The following ZNF839 variants were observed in gnomAD, a reference collection of about 807,000 sequenced individuals.
The protein encoded by ZNF839 is renal carcinoma antigen NY-REN-50.
A neutral mutation model predicts 56.4 loss-of-function variants in ZNF839; 38 were observed. The ratio of observed to expected loss-of-function variants is 0.67; its 90% CI spans 0.52 to 0.88. The LOEUF is 0.88. Ranked by LOEUF, ZNF839 falls within the 40% of genes least tolerant of loss-of-function variation. The pLI is 0.00. For synonymous variants in ZNF839, 486 were observed against 493.5 expected, an observed-to-expected ratio of 0.98 and a Z score of 0.20; for missense variants, 1,091 against 1,177.6, an observed-to-expected ratio of 0.93 and a Z score of 1.08.
rs1359899491 is a variant in ZNF839, at chr14:102,331,665, C to T, written c.1235C>T (p.Pro412Leu). 6.2e-7 allele frequency: 1 copy of T among 1,612,778 alleles called. No individual in the cohort carries two copies. The highest frequency in any genetic ancestry group is 1.7e-5 in the Admixed American group (1 of 59,810). ...GTTGAAGAGACATTGCCATCTGAAC[C>T]AGAAAATGGAGCTCTTTTGCGATCA... The part of the protein sequence containing the change: ...VDVEETLPSE[P>L]ENGALLRSER... The change falls in exon 3 of 8, where the codon CCA becomes CTA. Residue 412 changes from proline to leucine, a missense_variant. Physicochemically the swap from Pro to Leu is moderately conservative, Grantham distance 98 (BLOSUM62 -3). Transcript: ENST00000442396.
intron 1 of ZNF839, among the ~76,000 whole-genome samples, chr14:102,323,740 G>C (rs558332358): frequency 2.2e-4 from 34 of 152,260 alleles, no homozygotes; most frequent in African/African-American, 7.5e-4. Context: ...CTACGCCTAG[G>C]TACATGCCCC....
At chr14:102,317,682 C>A (rs1022266624), upstream of ZNF839, 5 of 152,202 alleles carry the variant, frequency 3.3e-5, no homozygotes, top group Non-Finnish European at 7.3e-5. Flanking sequence ...ACACAAACCC[C>A]AACCCGCTGG....
chr14:102,318,462 G>C (rs1211220187), upstream of ZNF839, among the ~76,000 whole-genome samples: 1 of 151,936 alleles, frequency 6.6e-6, no homozygotes, highest in South Asian at 2.1e-4. Context: ...ATGAAACCCC[G>C]TCTCTACTAA....
chr14:102,334,623 G>A lies in ZNF839; in HGVS notation c.1486G>A (p.Val496Met), dbSNP rs778851361. Residue 496 changes from valine (V) to methionine (M), a missense_variant, in exon 4 of 8, where the codon GTG becomes ATG. By Grantham distance (21) the Val-to-Met change is conservative. Transcript: ENST00000442396. ...GCCTCAGCTGGCTCAGGTTGTGACC[G>A]TGTATGAGTTTCTTCTGATGAAGGT... Reference protein sequence around the residue: ...ALPQLAQVVTVYEFLLMKVEK... With the variant: ...ALPQLAQVVTMYEFLLMKVEK... 2.8e-5 allele frequency: 45 copies of A among 1,612,104 alleles called. No homozygotes were observed. The highest frequency in any genetic ancestry group is 8.4e-5 in the Admixed American group (5 of 59,842).
At chr14:102,319,054 G>A (rs1381318405), upstream of ZNF839, among the ~76,000 whole-genome samples, 2 of 152,228 alleles carry the variant, frequency 1.3e-5, no homozygotes, top group African/African-American at 4.8e-5. This position sits in a 1 kb window ranked among gnomAD's most constrained non-coding sequence, Gnocchi z 4.5. Context: ...AAGGAGAGGC[G>A]ATCAGGCTGA....
At chr14:102,323,529 T>TA (rs1276757024) in intron 1 of ZNF839, among the ~76,000 whole-genome samples, 1 of 152,168 alleles carries the variant, frequency 6.6e-6, no homozygotes, top group East Asian at 1.9e-4. Flanking sequence ...TGTGGGGTGT[T>TA]ATTGAAGGTA....
At position 102,332,682 on chromosome 14, in the gene ZNF839, G is replaced by C. The variant is rs1482507570; in HGVS notation, c.1416+836G>C. Among the ~76,000 whole-genome samples the C allele has an allele frequency of 6.6e-6, 1 of 151,840 alleles. No homozygotes were observed. Among genetic ancestry groups the C allele is most frequent in the African/African-American group, 2.4e-5 (1 of 41,354 alleles). ...CCCAGCACTTTGGGAGGCCGAGGTGGGCGGATCACCTGAAGTCAGGAGTTC... is the reference window on the plus strand; with the variant it reads ...CCCAGCACTTTGGGAGGCCGAGGTGCGCGGATCACCTGAAGTCAGGAGTTC... On this transcript the variant is annotated intron_variant, in intron 3 of 7. Coordinates refer to ENST00000442396, the MANE Select transcript of ZNF839 (RefSeq NM_018335.6). The surrounding 1 kb of genome is among the most constrained non-coding windows in gnomAD (Gnocchi z 4.9).
chr14:102,320,877 T>G (rs1597705038), intron 1 of ZNF839, among the ~76,000 whole-genome samples: 2 of 152,216 alleles, frequency 1.3e-5, no homozygotes, highest in African/African-American at 4.8e-5. Context: ...ACACGGCATC[T>G]GTAAAATTCC....
chr14:102,327,590 G>A (rs1425799230), intron 2 of ZNF839, among the ~76,000 whole-genome samples: 1 of 152,182 alleles, frequency 6.6e-6, no homozygotes, highest in African/African-American at 2.4e-5. Flanking sequence ...ATGAGATTTG[G>A]TGGGGACACA....
chr14:102,331,481 C>G, intron 2 of ZNF839, 141 bp from the exon 3 acceptor site: 1 of 684,006 alleles, frequency 1.5e-6, no homozygotes, highest in South Asian at 1.9e-5. Flanking sequence ...AACTCCTAAC[C>G]TCAAATGATC....
At chr14:102,339,958 C>T (rs550175688) in intron 7 of ZNF839, among the ~76,000 whole-genome samples, 2 of 152,022 alleles carry the variant, frequency 1.3e-5, no homozygotes, top group South Asian at 4.2e-4. Context: ...CAACTAGGCA[C>T]TTAAAAAATT....
rs771734418 is a variant in ZNF839, at chr14:102,335,660, C to CA, written c.1510-29_1510-28insA. ...TCCATATCAGTGCCTTGAGTTTAAA[C>CA]TTTTTTTTTGGTCTTTATCTTCACG... is the stretch of plus-strand genomic sequence containing the variant. On this transcript the variant is annotated intron_variant, in intron 4 of 7. Coordinates refer to ENST00000442396, the MANE Select transcript of ZNF839 (RefSeq NM_018335.6). 56 of 1,544,632 alleles carry CA rather than the reference C, an allele frequency of 3.6e-5. 3 individuals are homozygous for CA. In the Middle Eastern group the frequency reaches 3.6e-3, roughly 99 times the overall value.
chr14:102,328,946 A>G (rs145606129), intron 2 of ZNF839, among the ~76,000 whole-genome samples: 2 of 150,710 alleles, frequency 1.3e-5, no homozygotes, highest in African/African-American at 2.4e-5. Context: ...CAGATGTTCA[A>G]TTACATCTTT....
chr14:102,341,856 C>T lies in ZNF839; in HGVS notation c.2461C>T (p.Pro821Ser). 1 of 1,614,056 alleles carries T rather than the reference C, an allele frequency of 6.2e-7. No individual in the cohort carries two copies. The highest frequency in any genetic ancestry group is 8.5e-7 in the Non-Finnish European group (1 of 1,179,904). The change falls in exon 8 of 8, where the codon CCA (proline) becomes TCA (serine). Residue 821 changes from proline (P) to serine (S), a missense_variant. By Grantham distance (74) the Pro-to-Ser change is moderately conservative. Transcript: ENST00000442396. ...VDCAYRTVPK[P>S]GPQPGPHGSL... Reference sequence around the variant, plus strand: ...CTGTGCCTACAGGACTGTGCCCAAGCCAGGGCCTCAGCCTGGCCCACATGG... The same window carrying T: ...CTGTGCCTACAGGACTGTGCCCAAGTCAGGGCCTCAGCCTGGCCCACATGG...
chr14:102,321,359 C>T (rs2073118164), intron 1 of ZNF839, among the ~76,000 whole-genome samples: 1 of 152,242 alleles, frequency 6.6e-6, no homozygotes, highest in Admixed American at 6.5e-5. Context: ...TGTGGCTGCT[C>T]TCCCTAGCCC....
At chr14:102,338,539 GAAAAAAAA>G (rs954011615) in intron 5 of ZNF839, among the ~76,000 whole-genome samples, 49 of 32,098 alleles carry the variant, frequency 1.5e-3, no homozygotes, top group African/African-American at 4.1e-3. Context: ...CTCTGTCTCA[GAAAAAAAA>G]AAAAAAAAAA....
intron 1 of ZNF839, among the ~76,000 whole-genome samples, chr14:102,322,389 G>A (rs1489043537): frequency 6.6e-6 from 1 of 152,188 alleles, no homozygotes; most frequent in Non-Finnish European, 1.5e-5. Context: ...CTTGGCTCCT[G>A]TGTATGTATT....
Position 102,326,152 on chromosome 14 carries a change from G to A in ZNF839, c.456G>A (p.Arg152=), listed in dbSNP as rs7157941. Residue 152 remains arginine (R), a synonymous_variant, in exon 2 of 8, where the codon AGG becomes AGA. Transcript: ENST00000442396. This position sits in a 1 kb window ranked among gnomAD's most constrained non-coding sequence, Gnocchi z 4.3. Reference sequence around the variant, plus strand: ...ATATCGCCAGCCCTCAGCTGCTCAGGGTACAGCCGCTTGTGAGAACCGAGC... The same window carrying A: ...ATATCGCCAGCCCTCAGCTGCTCAGAGTACAGCCGCTTGTGAGAACCGAGC... The part of the protein sequence containing the change: ...GLHIASPQLL[R]VQPLVRTEPQ... The A allele has an allele frequency of 0.03, 49,092 of 1,613,754 alleles. 1,513 individuals carry two copies. Among genetic ancestry groups the A allele is most frequent in the African/African-American group, 0.16 (11,956 of 74,966 alleles).
At chr14:102,331,907 C>A in intron 3 of ZNF839, 61 bp downstream of exon 3, 1 of 1,374,316 alleles carries the variant, frequency 7.3e-7, no homozygotes, top group Non-Finnish European at 9.8e-7. Context: ...GTGGCAATCA[C>A]TATCAGTTTC....
Sources: gnomAD v4.1 joint callset for allele counts (sites outside exome capture counted in the v4.1 genomes callset) on GRCh38, gnomAD v4.1.1 for gene constraint, Gnocchi (gnomAD v3.1) non-coding constraint, MANE v1.5 for transcripts, NCBI Gene and HGNC (gene_info 2026-07-23, HGNC 2026-07-21) for gene names.